Variants in C9orf85 observed in about 807,000 individuals in gnomAD.
C9orf85 encodes chromosome 9 open reading frame 85.
A neutral mutation model predicts 14.9 loss-of-function variants in C9orf85; 16 were observed. That is an observed-to-expected ratio of 1.08 (90% confidence interval 0.73 to 1.63). The LOEUF (loss-of-function observed/expected upper bound fraction) is 1.63, where lower values mean the gene tolerates loss of function less well. Ranked by LOEUF, C9orf85 falls within the 40% of genes most tolerant of loss-of-function variation. The pLI is 0.00. For missense variants in C9orf85, 172 were observed against 186.1 expected (o/e 0.92, Z 0.44); for synonymous variants, 45 against 56.8 (o/e 0.79, Z 0.93).
chr9:71,956,209 ATC>A (rs1822374753), intron 2 of C9orf85, among the ~76,000 whole-genome samples: 1 of 147,946 alleles, frequency 6.8e-6, no homozygotes, highest in Non-Finnish European at 1.5e-5. Context: ...AGCATTGGGT[ATC>A]ACAATTGGTA....
Position 71,971,563 on chromosome 9 carries a change from G to A in C9orf85, c.268G>A (p.Ala90Thr). The change falls in exon 3 of 4, where the codon GCC becomes ACC. Residue 90 changes from alanine to threonine, a missense_variant. By Grantham distance (58) the Ala-to-Thr change is moderately conservative. Transcript: ENST00000334731. ...DSYHIMCRPC[A>T]CELEVCAKCG... ...TTATCACATAATGTGCAGGCCATGT[G>A]CCTGTGAACTTGAAGTTTGCGCAAA... 6.2e-7 allele frequency: 1 copy of A among 1,613,320 alleles called. No individual in the cohort carries two copies. The highest frequency in any genetic ancestry group is 8.5e-7 in the Non-Finnish European group (1 of 1,179,608).
intron 2 of C9orf85, among the ~76,000 whole-genome samples, chr9:71,963,658 G>A (rs945445419): frequency 5.9e-5 from 9 of 152,224 alleles, no homozygotes; most frequent in South Asian, 2.1e-4. Context: ...CTGCCGCCCC[G>A]GGCAATGAGG....
chr9:71,976,010 A>G (rs111723993), downstream of C9orf85, among the ~76,000 whole-genome samples: 703 of 152,370 alleles, frequency 4.6e-3, 5 homozygotes, highest in Middle Eastern at 0.014. Flanking sequence ...TACCAGGAAA[A>G]AAATTTAACA....
At chr9:71,932,701 G>A (rs749324395) in intron 1 of C9orf85, among the ~76,000 whole-genome samples, 3 of 151,936 alleles carry the variant, frequency 2.0e-5, no homozygotes, top group Admixed American at 1.3e-4. Flanking sequence ...TCAAATGTTC[G>A]GTTTTCAAGA....
At chr9:71,925,751 C>T (rs952999478) in intron 1 of C9orf85, among the ~76,000 whole-genome samples, 2 of 151,928 alleles carry the variant, frequency 1.3e-5, no homozygotes. Context: ...CTGAATGTAG[C>T]GAACTTTGTA....
intron 2 of C9orf85, among the ~76,000 whole-genome samples, chr9:71,960,184 C>G (rs968505811): frequency 6.6e-6 from 1 of 152,154 alleles, no homozygotes; most frequent in Admixed American, 6.6e-5. Context: ...TATGAATAAT[C>G]ACAGTGATAG....
chr9:71,944,217 G>A (rs567161216), intron 1 of C9orf85, among the ~76,000 whole-genome samples: 4 of 132,194 alleles, frequency 3.0e-5, no homozygotes, highest in Admixed American at 8.2e-5. Flanking sequence ...CTGGGCAACA[G>A]AGTGAGACTC....
At chr9:71,919,778 G>A (rs990887596) in intron 1 of C9orf85, among the ~76,000 whole-genome samples, 1 of 151,474 alleles carries the variant, frequency 6.6e-6, no homozygotes, top group African/African-American at 2.4e-5. Flanking sequence ...TTTCATCTAT[G>A]CTTGGGGATG....
At chr9:71,968,538 CT>C (rs1822763863) in intron 2 of C9orf85, among the ~76,000 whole-genome samples, 1 of 151,936 alleles carries the variant, frequency 6.6e-6, no homozygotes, top group Middle Eastern at 3.4e-3. Context: ...CTTTGCAAAA[CT>C]TTGGCTATTT....
intron 2 of C9orf85, among the ~76,000 whole-genome samples, chr9:71,955,961 C>T (rs904884427): frequency 1.3e-5 from 2 of 152,030 alleles, no homozygotes; most frequent in African/African-American, 4.8e-5. Context: ...TTTGACTTGC[C>T]TCCATTTTGA....
intron 1 of C9orf85, among the ~76,000 whole-genome samples, chr9:71,916,473 C>T (rs1402256685): frequency 6.6e-6 from 1 of 151,856 alleles, no homozygotes; most frequent in African/African-American, 2.4e-5. Flanking sequence ...CAATGTTTTG[C>T]AGTTAAAAAA....
chr9:71,945,539 A>G (rs958876569), intron 1 of C9orf85, among the ~76,000 whole-genome samples: 1 of 152,258 alleles, frequency 6.6e-6, no homozygotes, highest in African/African-American at 2.4e-5. Flanking sequence ...CCTTGAAGAA[A>G]GAGAAAAATT....
chr9:71,933,882 G>A lies in C9orf85; in HGVS notation c.103-13124G>A, dbSNP rs902352154. ...AGCTAACTTTTTTTTTTCTGATCCC[G>A]AATTTTTAGACAAAGTTTCACCTCC... On this transcript the variant is annotated intron_variant, in intron 1 of 3. Coordinates refer to ENST00000334731, the MANE Select transcript of C9orf85 (RefSeq NM_182505.5). Among the ~76,000 whole-genome samples the A allele has an allele frequency of 2.0e-4, 31 of 151,868 alleles. 1 individual carries two copies. The highest frequency in any genetic ancestry group is 7.2e-4 in the African/African-American group (30 of 41,414).
chr9:71,977,616 T>G (rs1044302041), downstream of C9orf85, among the ~76,000 whole-genome samples: 2 of 152,230 alleles, frequency 1.3e-5, no homozygotes, highest in African/African-American at 4.8e-5. Context: ...ACTTTTTTCT[T>G]AAGTGAAATA....
At position 71,912,136 on chromosome 9, in the gene C9orf85, G is replaced by T. The variant is rs372539935; in HGVS notation, c.102+300G>T. ...TTACGTCGTTCAGCGTTCCCATCTG[G>T]ATCACATTAGCAGAGGGAAACGAGG... On this transcript the variant is annotated intron_variant, in intron 1 of 3. Transcript: ENST00000334731. 2.4e-4 allele frequency among the ~76,000 whole-genome samples: 37 copies of T among 152,164 alleles called. 1 individual carries two copies. Among genetic ancestry groups the T allele is most frequent in the Admixed American group, 5.9e-4 (9 of 15,282 alleles).
At chr9:71,918,382 C>T (rs959263798) in intron 1 of C9orf85, 1 of 1,186,848 alleles carries the variant, frequency 8.4e-7, no homozygotes, top group African/African-American at 1.6e-5. Flanking sequence ...AACCACAAGT[C>T]ACAATAATTC....
intron 1 of C9orf85, among the ~76,000 whole-genome samples, chr9:71,913,581 T>A (rs1827571853): frequency 1.3e-5 from 2 of 152,228 alleles, no homozygotes; most frequent in African/African-American, 4.8e-5. Flanking sequence ...TTCCCAAGTT[T>A]GCTCCCATTA....
Position 71,911,815 on chromosome 9 carries a change from C to A in C9orf85, c.81C>A (p.Phe27Leu). ...CGTTTAGCTTCAAAAATGACAAGTTCGATAAAAGTGTGCAGACCAAGGTAG... is the reference window on the plus strand; with the variant it reads ...CGTTTAGCTTCAAAAATGACAAGTTAGATAAAAGTGTGCAGACCAAGGTAG... ...QNTFSFKNDK[F>L]DKSVQTKKIN... The change falls in exon 1 of 4, where the codon TTC becomes TTA. Residue 27 changes from phenylalanine to leucine, a missense_variant. Transcript: ENST00000334731. 1 of 1,614,032 alleles carries A rather than the reference C, an allele frequency of 6.2e-7. No homozygotes were observed. Among genetic ancestry groups the A allele is most frequent in the Non-Finnish European group, 8.5e-7 (1 of 1,179,990 alleles).
At chr9:71,978,712 G>A (rs1823047162) in intron 3 of C9orf85, among the ~76,000 whole-genome samples, 1 of 152,108 alleles carries the variant, frequency 6.6e-6, no homozygotes, top group Admixed American at 6.6e-5. Flanking sequence ...AGCTACACAG[G>A]TACAGAAACA....
Sources: allele counts gnomAD v4.1 joint callset (sites outside exome capture counted in the v4.1 genomes callset), GRCh38; gene constraint gnomAD v4.1.1; transcripts MANE v1.5; gene names NCBI Gene and HGNC (gene_info 2026-07-23, HGNC 2026-07-21).